MTERF3: variants seen among roughly 807,000 people sequenced by gnomAD.
MTERF3 encodes the protein transcription termination factor 3, mitochondrial.
In MTERF3, 40 loss-of-function variants were observed where a neutral mutation model predicts 40.5. The ratio of observed to expected loss-of-function variants is 0.99; its 90% CI spans 0.77 to 1.29. The LOEUF is 1.29. Ranked by LOEUF, MTERF3 falls within the 50% of genes most tolerant of loss-of-function variation. The pLI is 0.00. For synonymous variants in MTERF3, 158 were observed against 166.6 expected, an observed-to-expected ratio of 0.95 and a Z score of 0.40; for missense variants, 452 against 478.2, an observed-to-expected ratio of 0.95 and a Z score of 0.51.
At chr8:96,259,563 G>C (rs540533083) in intron 1 of MTERF3, among the ~76,000 whole-genome samples, 1 of 152,306 alleles carries the variant, frequency 6.6e-6, no homozygotes, top group Non-Finnish European at 1.5e-5. Context: ...TATTTAGCCA[G>C]CTAATTAGAA....
In MTERF3 at chr8:96,261,220, C is replaced by T. The variant is rs576558003; in HGVS notation, c.-11+281G>A. 2.0e-5 allele frequency among the ~76,000 whole-genome samples: 3 copies of T among 152,314 alleles called. No homozygotes were observed. The East Asian group carries it at 5.8e-4, about 29-fold the overall frequency. On this transcript the variant is annotated intron_variant, in intron 1 of 7. Transcript: ENST00000287025. ...GGCAGCTTCCTAATAAAGGGTCTCT[C>T]AATACTTCCCAGGCCATTTTAGCCC...
rs1563548930 is a variant in MTERF3, at chr8:96,250,662, GAA to G, written c.677+242_677+243del. On this transcript the variant is annotated intron_variant, in intron 4 of 7. Coordinates refer to ENST00000287025, the MANE Select transcript of MTERF3 (RefSeq NM_015942.5). The stretch of plus-strand genomic sequence containing the variant: ...AGAAGAAGAAGAAGAAGAAGAAGAA[GAA>G]GAAGAAGAAGAAGAAGAAGGAGGAG... Among the ~76,000 whole-genome samples the G allele has an allele frequency of 5.5e-3, 180 of 32,640 alleles. 19 individuals carry two copies. Among genetic ancestry groups the G allele is most frequent in the African/African-American group, 0.02 (178 of 8,838 alleles). The allele number at this position is 32,640 out of a possible 152,430, so 21.4% of individuals were successfully genotyped here. A position where few individuals can be genotyped will look rare whatever the true frequency, so the allele number is the denominator to read the frequency against.
intron 3 of MTERF3, among the ~76,000 whole-genome samples, chr8:96,255,599 T>C (rs1810264836): frequency 6.8e-6 from 1 of 147,270 alleles, no homozygotes; most frequent in South Asian, 2.1e-4. Context: ...ATGGTACCAC[T>C]GTACTCCAGC....
At chr8:96,258,905 C>T (rs1471821964) in intron 1 of MTERF3, among the ~76,000 whole-genome samples, 1 of 152,122 alleles carries the variant, frequency 6.6e-6, no homozygotes, top group African/African-American at 2.4e-5. Context: ...TACAAACCAA[C>T]AGACAGGAAC....
intron 3 of MTERF3, 151 bp from the exon 4 acceptor site, chr8:96,251,246 C>A (rs1441259450): frequency 3.4e-6 from 2 of 595,052 alleles, no homozygotes; most frequent in African/African-American, 2.0e-5. Flanking sequence ...TATTTTTAAA[C>A]TAAGTTGGTT....
chr8:96,258,441 G>C lies in MTERF3; in HGVS notation c.250C>G (p.Gln84Glu). The change falls in exon 2 of 8, where the codon CAA becomes GAA. Residue 84 changes from glutamine (Q) to glutamate (E), a missense_variant. Coordinates refer to ENST00000287025, the MANE Select transcript of MTERF3 (RefSeq NM_015942.5). ...TTCATGGAAGGAAGCAGACTGCTTT[G>C]GGCAGAATTATTCTCCTGACTACTT... ...SSSSQENNSA[Q>E]SSLLPSMNEQ... The C allele has an allele frequency of 6.2e-7, 1 of 1,614,100 alleles. No homozygotes were observed. The highest frequency in any genetic ancestry group is 8.5e-7 in the Non-Finnish European group (1 of 1,179,984).
At position 96,258,337 on chromosome 8, in the gene MTERF3, T is replaced by C. The variant is rs1235662871; in HGVS notation, c.334+20A>G. ...GGCCAAAGTAGGGAAAGGGAGACTT[T>C]TCTGAAAGTTCAGAATTACCTTCTA... On this transcript the variant is annotated intron_variant, in intron 2 of 7. Coordinates refer to ENST00000287025, the MANE Select transcript of MTERF3 (RefSeq NM_015942.5). 6.3e-7 allele frequency: 1 copy of C among 1,581,134 alleles called. No individual in the cohort carries two copies. The highest frequency in any genetic ancestry group is 1.1e-5 in the South Asian group (1 of 87,796).
chr8:96,241,688 G>GA (rs1332488894), intron 7 of MTERF3, among the ~76,000 whole-genome samples: 1 of 152,110 alleles, frequency 6.6e-6, no homozygotes, highest in Non-Finnish European at 1.5e-5. Flanking sequence ...GGTGTGGGGG[G>GA]AGAGTTGTTG....
chr8:96,255,639 G>GAAAA (rs754843989), intron 3 of MTERF3, among the ~76,000 whole-genome samples: 2 of 57,050 alleles, frequency 3.5e-5, no homozygotes, highest in African/African-American at 6.2e-5. Flanking sequence ...CCAGTCTGAA[G>GAAAA]AAAAAAAAAA....
At position 96,256,082 on chromosome 8, in the gene MTERF3, T is replaced by G. The variant is rs533162748; in HGVS notation, c.487+880A>C. Among the ~76,000 whole-genome samples the G allele has an allele frequency of 2.6e-4, 40 of 152,188 alleles. No homozygotes were observed. The East Asian group carries it at 4.0e-3, about 15-fold the overall frequency. On this transcript the variant is annotated intron_variant, in intron 3 of 7. Coordinates refer to ENST00000287025, the MANE Select transcript of MTERF3 (RefSeq NM_015942.5). ...AAAGGAGATTCATTATCTGGGAAAA[T>G]CAAGTATGAGAAGTACCAAACCCAG...
At chr8:96,250,683 G>GACGAAGAAGAAGACGAAGAA (rs1479466031) in intron 4 of MTERF3, among the ~76,000 whole-genome samples, 6 of 58,928 alleles carry the variant, frequency 1.0e-4, no homozygotes, top group African/African-American at 4.1e-4. Flanking sequence ...AGAAGAAGAA[G>GACGAAGAAGAAGACGAAGAA]GAGGAGGAGG....
intron 5 of MTERF3, 27 bp from the exon 6 acceptor site, chr8:96,245,958 T>C (rs746244435): frequency 8.8e-6 from 14 of 1,596,386 alleles, no homozygotes; most frequent in Non-Finnish European, 1.2e-5. Flanking sequence ...AACAATCTAG[T>C]ATTACTATAC....
intron 7 of MTERF3, 119 bp downstream of exon 7, chr8:96,243,800 G>A (rs1384580163): frequency 1.9e-6 from 2 of 1,064,338 alleles, no homozygotes; most frequent in African/African-American, 3.2e-5. Flanking sequence ...CTCAGGAGAT[G>A]GACATTTGCG....
intron 4 of MTERF3, among the ~76,000 whole-genome samples, chr8:96,247,063 C>G (rs1238933852): frequency 2.0e-5 from 3 of 152,126 alleles, no homozygotes; most frequent in African/African-American, 7.2e-5. Context: ...ACCTCCGCCT[C>G]CCAGGTTCAA....
At chr8:96,242,256 T>G (rs936685177) in intron 7 of MTERF3, among the ~76,000 whole-genome samples, 3 of 152,210 alleles carry the variant, frequency 2.0e-5, no homozygotes, top group African/African-American at 7.2e-5. Context: ...AATCCCAATT[T>G]GGAAGCCACA....
chr8:96,246,037 C>A, intron 5 of MTERF3, 106 bp from the exon 6 acceptor site: 2 of 1,060,184 alleles, frequency 1.9e-6, no homozygotes, highest in African/African-American at 1.6e-5. Context: ...AAAATATGAC[C>A]CAATCAGAAA....
intron 4 of MTERF3, among the ~76,000 whole-genome samples, chr8:96,250,684 G>GAAGAAGAAGAAGA (rs1174594294): frequency 4.4e-4 from 6 of 13,528 alleles, no homozygotes; most frequent in Non-Finnish European, 1.1e-3. Flanking sequence ...GAAGAAGAAG[G>GAAGAAGAAGAAGA]AGGAGGAGGA....
intron 4 of MTERF3, among the ~76,000 whole-genome samples, chr8:96,248,252 G>A (rs777122544): frequency 4.6e-5 from 7 of 152,222 alleles, no homozygotes; most frequent in Non-Finnish European, 5.9e-5. Flanking sequence ...ACACCAATAT[G>A]TGTGATTTTT....
intron 4 of MTERF3, among the ~76,000 whole-genome samples, chr8:96,247,215 C>T (rs1250663675): frequency 5.9e-5 from 9 of 152,114 alleles, no homozygotes; most frequent in African/African-American, 1.9e-4. Flanking sequence ...TCAAGTGATC[C>T]GCCCACCTCA....
Sources: gnomAD v4.1 joint callset for allele counts (sites outside exome capture counted in the v4.1 genomes callset) on GRCh38, gnomAD v4.1.1 for gene constraint, MANE v1.5 for transcripts, NCBI Gene and HGNC (gene_info 2026-07-23, HGNC 2026-07-21) for gene names.